MRS2: variants seen among roughly 807,000 people sequenced by gnomAD.
The protein encoded by MRS2 is magnesium transporter MRS2.
A neutral mutation model predicts 52.6 loss-of-function variants in MRS2; 40 were observed. The observed-to-expected ratio is 0.76, with a 90% CI of 0.59 to 0.99. The LOEUF is 0.99. MRS2 is among the 50% of genes least tolerant of loss of function. The pLI is 0.00. For synonymous variants in MRS2, 193 were observed against 195.9 expected (o/e 0.98, Z 0.13); for missense variants, 472 against 532.7 (o/e 0.89, Z 1.12).
At position 24,424,973 on chromosome 6, in the gene MRS2, T is replaced by C. The variant is rs1762180502; in HGVS notation, c.*1279T>C. 6.6e-6 allele frequency: 1 copy of C among 152,184 alleles called. No homozygotes were observed. Among genetic ancestry groups the C allele is most frequent in the African/African-American group, 2.4e-5 (1 of 41,422 alleles). The allele number at this position is 152,184 out of a possible 1,614,324, so 9.4% of individuals were successfully genotyped here. A position where few individuals can be genotyped will look rare whatever the true frequency, so the allele number is the denominator to read the frequency against. On this transcript the variant is annotated 3_prime_UTR_variant, in exon 11 of 11. Coordinates refer to ENST00000378386, the MANE Select transcript of MRS2 (RefSeq NM_020662.4). ...CCTGTGTGTGGTCATGGGAAGCCAT[T>C]AGAGGGAAGCTGCAGAACAGAATGG...
Position 24,412,202 on chromosome 6 carries a change from GGTT to G in MRS2, c.415-19_415-17del, listed in dbSNP as rs763063603. 4.9e-6 allele frequency: 6 copies of G among 1,226,224 alleles called. No individual in the cohort carries two copies. Among genetic ancestry groups the G allele is most frequent in the Non-Finnish European group, 6.7e-6 (6 of 891,568 alleles). The allele number at this position is 1,226,224 out of a possible 1,614,324, so 76.0% of individuals were successfully genotyped here. A position where few individuals can be genotyped will look rare whatever the true frequency, so the allele number is the denominator to read the frequency against. On this transcript the variant is annotated splice_polypyrimidine_tract_variant and intron_variant, in intron 4 of 10. Coordinates refer to ENST00000378386, the MANE Select transcript of MRS2 (RefSeq NM_020662.4). Reference sequence around the variant, plus strand: ...ATACACTCACATATTTATATGTTTTGGTTTTTTTTTTTTTAACAGTATTTGAAA... The same window carrying G: ...ATACACTCACATATTTATATGTTTTGTTTTTTTTTTTAACAGTATTTGAAA...
chr6:24,423,400 C>A, intron 10 of MRS2, 184 bp from the exon 11 acceptor site: 2 of 494,414 alleles, frequency 4.0e-6, no homozygotes, highest in South Asian at 3.4e-5. Context: ...TTATAACGTT[C>A]TTAAAAGATA....
In MRS2 at chr6:24,403,192, G is replaced by A. The variant is rs368943224; in HGVS notation, c.146G>A (p.Ser49Asn). 2.5e-6 allele frequency: 4 copies of A among 1,604,518 alleles called. No individual in the cohort carries two copies. The highest frequency in any genetic ancestry group is 2.7e-5 in the African/African-American group (2 of 74,902). ...CGRRANLIGR[S>N]RAAQLCGPDR... ...CGCCGAGCCAACCTGATTGGAAGGA[G>A]CCGAGCGGCGCAGCTTTGCGGGCCC... Residue 49 changes from serine (S) to asparagine (N), a missense_variant, in exon 1 of 11, where the codon AGC becomes AAC. Physicochemically the swap from Ser to Asn is conservative, Grantham distance 46. Coordinates refer to ENST00000378386, the MANE Select transcript of MRS2 (RefSeq NM_020662.4).
At chr6:24,411,775 G>A (rs1227696124) in intron 4 of MRS2, among the ~76,000 whole-genome samples, 1 of 151,936 alleles carries the variant, frequency 6.6e-6, no homozygotes, top group Non-Finnish European at 1.5e-5. Flanking sequence ...TTGACCTCAT[G>A]ATCCACCTTC....
intron 9 of MRS2, among the ~76,000 whole-genome samples, chr6:24,421,096 A>G (rs191602130): frequency 2.0e-5 from 3 of 152,348 alleles, no homozygotes; most frequent in East Asian, 1.9e-4. Flanking sequence ...GACTTTCTCT[A>G]CAAGTCCCTG....
chr6:24,417,906 C>T (rs1761904106), intron 7 of MRS2, among the ~76,000 whole-genome samples, 178 bp from the exon 8 acceptor site: 1 of 151,014 alleles, frequency 6.6e-6, no homozygotes, highest in Non-Finnish European at 1.5e-5. Context: ...CGCGCCACTA[C>T]ACTCCAGCCT....
At chr6:24,406,936 AGTAAATATTTTTTTCTTTATAATTT>A (rs1761495169) in intron 2 of MRS2, among the ~76,000 whole-genome samples, 1 of 152,208 alleles carries the variant, frequency 6.6e-6, no homozygotes, top group Non-Finnish European at 1.5e-5. Flanking sequence ...CTGGTTACAA[AGTAAATATTTTTTTCTTTATAATTT>A]GTATGATTTA....
chr6:24,402,961 C>G lies in MRS2; in HGVS notation c.-86C>G, dbSNP rs923590459. The G allele has an allele frequency of 1.4e-5, 18 of 1,302,316 alleles. No homozygotes were observed. Among genetic ancestry groups the G allele is most frequent in the Non-Finnish European group, 1.9e-5 (18 of 963,308 alleles). The allele number at this position is 1,302,316 out of a possible 1,614,324, so 80.7% of individuals were successfully genotyped here. A position where few individuals can be genotyped will look rare whatever the true frequency, so the allele number is the denominator to read the frequency against. ...ACAGAGTCTGCAGGTCGGGCGGTAG[C>G]GACAGGTCAGAGCTGCGGCCTGAGC... On this transcript the variant is annotated 5_prime_UTR_variant, in exon 1 of 11. Transcript: ENST00000378386.
chr6:24,408,997 G>C (rs1761565179), intron 3 of MRS2, among the ~76,000 whole-genome samples: 1 of 152,140 alleles, frequency 6.6e-6, no homozygotes, highest in Non-Finnish European at 1.5e-5. Context: ...CCTTGAGAAT[G>C]AATCAGTCTC....
chr6:24,423,535 G>C (rs112143367), intron 10 of MRS2, 49 bp from the exon 11 acceptor site: 1 of 1,037,226 alleles, frequency 9.6e-7, no homozygotes. Context: ...TTTACTAGTG[G>C]CTTTTCTTTT....
intron 2 of MRS2, among the ~76,000 whole-genome samples, chr6:24,408,143 C>A (rs1452746844): frequency 3.3e-5 from 5 of 152,132 alleles, no homozygotes; most frequent in African/African-American, 1.2e-4. Context: ...ACAACTGATA[C>A]TCCTTTATCA....
At chr6:24,404,762 A>G (rs930188505) in intron 1 of MRS2, among the ~76,000 whole-genome samples, 9 of 152,246 alleles carry the variant, frequency 5.9e-5, no homozygotes, top group Non-Finnish European at 1.2e-4. Flanking sequence ...CTTAGGACCT[A>G]TGTTTTCTAA....
chr6:24,405,712 G>A (rs1489051707), intron 2 of MRS2, among the ~76,000 whole-genome samples: 2 of 151,176 alleles, frequency 1.3e-5, no homozygotes, highest in African/African-American at 4.9e-5. Context: ...TGTTAACAAA[G>A]GTGACTCTAG....
intron 4 of MRS2, among the ~76,000 whole-genome samples, chr6:24,411,190 CAAAAAAAA>C (rs201560318): frequency 9.6e-6 from 1 of 104,324 alleles, no homozygotes; most frequent in Non-Finnish European, 2.0e-5. Flanking sequence ...ACTTCCATCT[CAAAAAAAA>C]AAAAGAAAAA....
chr6:24,422,163 G>A (rs80229559), intron 9 of MRS2, among the ~76,000 whole-genome samples: 7 of 117,772 alleles, frequency 5.9e-5, no homozygotes, highest in South Asian at 2.8e-4. Context: ...ACAACAAAAA[G>A]AGGAGGCAGA....
At chr6:24,421,774 TTTTC>T (rs1762049104) in intron 9 of MRS2, among the ~76,000 whole-genome samples, 1 of 152,224 alleles carries the variant, frequency 6.6e-6, no homozygotes, top group African/African-American at 2.4e-5. Flanking sequence ...ACTGAAGTTA[TTTTC>T]CAATCTAAAG....
At chr6:24,416,305 A>G (rs1246058390) in intron 6 of MRS2, 92 bp from the exon 7 acceptor site, 8 of 603,004 alleles carry the variant, frequency 1.3e-5, no homozygotes, top group Non-Finnish European at 2.4e-5. Context: ...TGTATAAGAT[A>G]ATATATTTGA....
At chr6:24,405,044 A>T in intron 1 of MRS2, 124 bp from the exon 2 acceptor site, 1 of 602,998 alleles carries the variant, frequency 1.7e-6, no homozygotes. Context: ...TTCTTTTCTT[A>T]TAGGAAAAAT....
At chr6:24,406,104 C>CAAAAA (rs35874058) in intron 2 of MRS2, among the ~76,000 whole-genome samples, 1 of 103,166 alleles carries the variant, frequency 9.7e-6, no homozygotes, top group Non-Finnish European at 1.8e-5. Flanking sequence ...GACTCCATCT[C>CAAAAA]AAAAAAAAAA....
Sources: gnomAD v4.1 joint callset for allele counts (sites outside exome capture counted in the v4.1 genomes callset) on GRCh38, gnomAD v4.1.1 for gene constraint, MANE v1.5 for transcripts, NCBI Gene and HGNC (gene_info 2026-07-23, HGNC 2026-07-21) for gene names.